PHLPP1: variants seen among roughly 807,000 people sequenced by gnomAD.
PHLPP1 encodes PH domain leucine-rich repeat-containing protein phosphatase 1.
A neutral mutation model predicts 117.2 loss-of-function variants in PHLPP1; 42 were observed. That is an observed-to-expected ratio of 0.36 (90% confidence interval 0.28 to 0.46). PHLPP1 has a LOEUF of 0.46. Ranked by LOEUF, PHLPP1 falls within the 20% of genes least tolerant of loss-of-function variation. PHLPP1 has a pLI of 1.00. For synonymous variants in PHLPP1, 1,042 were observed against 970.7 expected, an observed-to-expected ratio of 1.07 and a Z score of -1.37; for missense variants, 2,084 against 2,241.9, an observed-to-expected ratio of 0.93 and a Z score of 1.42.
chr18:62,730,023 A>C (rs1911184615), intron 1 of PHLPP1, among the ~76,000 whole-genome samples: 1 of 152,248 alleles, frequency 6.6e-6, no homozygotes, highest in Admixed American at 6.5e-5. Flanking sequence ...GTTACAGAGC[A>C]GTTTGGTAAC....
Position 62,978,451 on chromosome 18 carries a change from G to A in PHLPP1, c.4174G>A (p.Val1392Met), listed in dbSNP as rs772092116. The change falls in exon 17 of 17, where the codon GTG becomes ATG. Residue 1392 changes from valine to methionine, a missense_variant. Physicochemically the swap from Val to Met is conservative, Grantham distance 21 (BLOSUM62 1). This residue lies in a region of PHLPP1 where 1,365 missense variants were observed against 1,605.9 expected (regional missense o/e 0.85). Transcript: ENST00000262719. This position sits in a 1 kb window ranked among gnomAD's most constrained non-coding sequence, Gnocchi z 7.0. ...GGAGGCCGTGGAAGCCGTGCGCAAC[G>A]TGCCCGATGCCCTGGCTGCTGCCAA... ...VEEAVEAVRN[V>M]PDALAAAKKL... The A allele has an allele frequency of 5.0e-6, 8 of 1,611,102 alleles. No individual in the cohort carries two copies. The highest frequency in any genetic ancestry group is 2.2e-5 in the South Asian group (2 of 90,476).
chr18:62,846,599 T>A (rs761828741), intron 3 of PHLPP1, among the ~76,000 whole-genome samples: 1 of 151,998 alleles, frequency 6.6e-6, no homozygotes, highest in Non-Finnish European at 1.5e-5. Context: ...TTCCTGCTAG[T>A]TCCATTTCAT....
chr18:62,814,579 AGAGGGTGAGGT>A (rs1914211043), intron 1 of PHLPP1, among the ~76,000 whole-genome samples: 1 of 152,262 alleles, frequency 6.6e-6, no homozygotes, highest in Non-Finnish European at 1.5e-5. Flanking sequence ...CTGAAGATAA[AGAGGGTGAGGT>A]GAGAGTTGAG....
In PHLPP1 at chr18:62,716,447, C is replaced by T. The variant is rs1910737653; in HGVS notation, c.764C>T (p.Ala255Val). The T allele has an allele frequency of 7.6e-7, 1 of 1,309,892 alleles. No homozygotes were observed. The highest frequency in any genetic ancestry group is 2.2e-5 in the South Asian group (1 of 45,280). 81.1% of individuals were successfully genotyped at this position (1,309,892 alleles called of 1,614,324 possible). ...GTGCTGGGCCAGGGGCCCGGAGCCG[C>T]CGCCGCCCGGGAGCCCGCTGAACCG... ...VKVLGQGPGA[A>V]AAREPAEPPP... Residue 255 changes from alanine to valine, a missense_variant, in exon 1 of 17, where the codon GCC (alanine) becomes GTC (valine). Physicochemically the swap from Ala to Val is moderately conservative, Grantham distance 64 (BLOSUM62 0). Transcript: ENST00000262719. The surrounding 1 kb of genome is among the most constrained non-coding windows in gnomAD (Gnocchi z 5.7).
rs140999691 is a variant in PHLPP1 at position 62,731,735 on chromosome 18, G to A, written c.1576+14476G>A. Reference sequence around the variant, plus strand: ...TAACCAAGTTGCAAATGCAAAAGAGGTTATTGAAGGAAATTAAAAGTGCTA... The same window carrying A: ...TAACCAAGTTGCAAATGCAAAAGAGATTATTGAAGGAAATTAAAAGTGCTA... On this transcript the variant is annotated intron_variant, in intron 1 of 16. Coordinates refer to ENST00000262719, the MANE Select transcript of PHLPP1 (RefSeq NM_194449.4). Among the ~76,000 whole-genome samples, 8 of 152,314 alleles carry A rather than the reference G, an allele frequency of 5.3e-5. No individual in the cohort carries two copies. The East Asian group carries it at 1.5e-3, about 29-fold the overall frequency.
At chr18:62,890,833 T>C (rs1451822070) in intron 4 of PHLPP1, among the ~76,000 whole-genome samples, 1 of 152,222 alleles carries the variant, frequency 6.6e-6, no homozygotes, top group African/African-American at 2.4e-5. Context: ...TAGTGGATTT[T>C]TTTTCTTCCT....
At chr18:62,915,195 G>A (rs36110044) in intron 9 of PHLPP1, among the ~76,000 whole-genome samples, 187 bp downstream of exon 9, 18,046 of 152,226 alleles carry the variant, frequency 0.12, 1,304 homozygotes, top group African/African-American at 0.2. Flanking sequence ...GAGGAGTAGA[G>A]TGAGGCTTTG....
chr18:62,778,926 A>G (rs1913041551), intron 1 of PHLPP1, among the ~76,000 whole-genome samples: 1 of 152,258 alleles, frequency 6.6e-6, no homozygotes. Flanking sequence ...CCACAAGGTT[A>G]GCCGTAGGCT....
intron 9 of PHLPP1, among the ~76,000 whole-genome samples, chr18:62,919,381 G>T (rs1295454935): frequency 6.6e-6 from 1 of 152,238 alleles, no homozygotes; most frequent in Non-Finnish European, 1.5e-5. Context: ...TCGGGAGACA[G>T]TCTCTACCTT....
chr18:62,925,804 C>G (rs1044102161), intron 10 of PHLPP1, among the ~76,000 whole-genome samples: 5 of 152,152 alleles, frequency 3.3e-5, no homozygotes, highest in Admixed American at 1.3e-4. Context: ...AGAGTACTTA[C>G]CAAACATGCA....
At chr18:62,840,824 A>C (rs1915029962) in intron 3 of PHLPP1, among the ~76,000 whole-genome samples, 1 of 152,226 alleles carries the variant, frequency 6.6e-6, no homozygotes, top group Non-Finnish European at 1.5e-5. Context: ...ATGTATTACC[A>C]CAATATATCT....
At chr18:62,914,405 A>C (rs1917044401) in intron 8 of PHLPP1, among the ~76,000 whole-genome samples, 1 of 152,190 alleles carries the variant, frequency 6.6e-6, no homozygotes, top group Non-Finnish European at 1.5e-5. Flanking sequence ...GATGATACAG[A>C]CTATGTAACT....
intron 5 of PHLPP1, among the ~76,000 whole-genome samples, chr18:62,895,574 T>A (rs757264271): frequency 6.6e-6 from 1 of 152,248 alleles, no homozygotes; most frequent in Non-Finnish European, 1.5e-5. Flanking sequence ...AAACTAGTCA[T>A]GATTTTCATT....
chr18:62,960,048 C>A (rs1386644694), intron 13 of PHLPP1, among the ~76,000 whole-genome samples: 1 of 152,070 alleles, frequency 6.6e-6, no homozygotes, highest in Non-Finnish European at 1.5e-5. Flanking sequence ...CATGGATTAT[C>A]AAAATACATC....
rs767991701 is a variant in PHLPP1 at position 62,978,433 on chromosome 18, G to C, written c.4156G>C (p.Val1386Leu). ...LWDSLSVEEA[V>L]EAVRNVPDAL... ...GGACAGCCTGTCCGTCGAGGAGGCC[G>C]TGGAAGCCGTGCGCAACGTGCCCGA... Residue 1386 changes from valine (V) to leucine (L), a missense_variant, in exon 17 of 17, where the codon GTG (valine) becomes CTG (leucine). Val to Leu is a conservative substitution (Grantham distance 32, BLOSUM62 1). Coordinates refer to ENST00000262719, the MANE Select transcript of PHLPP1 (RefSeq NM_194449.4). The surrounding 1 kb of genome is among the most constrained non-coding windows in gnomAD (Gnocchi z 7.0). The C allele has an allele frequency of 6.2e-7, 1 of 1,611,486 alleles. No homozygotes were observed. The highest frequency in any genetic ancestry group is 1.3e-5 in the African/African-American group (1 of 74,862).
chr18:62,818,081 T>C (rs1914345472), intron 1 of PHLPP1, among the ~76,000 whole-genome samples: 1 of 151,874 alleles, frequency 6.6e-6, no homozygotes, highest in Admixed American at 6.6e-5. Context: ...TCTTGATCTC[T>C]TGACCTCCTG....
At chr18:62,865,988 G>T (rs532653245) in intron 4 of PHLPP1, among the ~76,000 whole-genome samples, 1 of 152,182 alleles carries the variant, frequency 6.6e-6, no homozygotes, top group Admixed American at 6.5e-5. Context: ...CATGACACAC[G>T]TTTACCTGTG....
intron 10 of PHLPP1, among the ~76,000 whole-genome samples, chr18:62,923,558 A>C (rs902267704): frequency 6.6e-5 from 10 of 152,158 alleles, no homozygotes; most frequent in African/African-American, 2.4e-4. Context: ...TTTTTGTATT[A>C]GTTCACTTGT....
chr18:62,965,619 C>T (rs1212902049), intron 14 of PHLPP1, among the ~76,000 whole-genome samples: 3 of 151,530 alleles, frequency 2.0e-5, no homozygotes, highest in Non-Finnish European at 4.4e-5. Context: ...CCACCATGCC[C>T]GACTAATTTT....
Sources: gnomAD v4.1 joint callset for allele counts (sites outside exome capture counted in the v4.1 genomes callset) on GRCh38, gnomAD v4.1.1 for gene constraint, gnomAD v4.1.1 regional missense constraint, Gnocchi (gnomAD v3.1) non-coding constraint, MANE v1.5 for transcripts, NCBI Gene and HGNC (gene_info 2026-07-23, HGNC 2026-07-21) for gene names.